PTCHD4: variants seen among roughly 807,000 people sequenced by gnomAD.
PTCHD4 encodes the protein patched domain containing 4.
A neutral mutation model predicts 58.1 loss-of-function variants in PTCHD4; 33 were observed. The observed-to-expected ratio is 0.57, with a 90% CI of 0.43 to 0.76. The LOEUF (loss-of-function observed/expected upper bound fraction) is 0.76. Among genes scored for constraint, PTCHD4 ranks in the 30% least tolerant of loss-of-function variants. The pLI is 0.00. For missense variants in PTCHD4, 1,058 were observed against 1,027.1 expected (o/e 1.03, Z -0.41); for synonymous variants, 478 against 409.6 (o/e 1.17, Z -2.02).
chr6:48,031,849 T>C (rs1460025288), intron 3 of PTCHD4, among the ~76,000 whole-genome samples: 2 of 152,128 alleles, frequency 1.3e-5, no homozygotes, highest in South Asian at 2.1e-4. Flanking sequence ...TAAAATGCAC[T>C]CATATTTTCC....
intron 4 of PTCHD4, among the ~76,000 whole-genome samples, chr6:47,991,387 G>A (rs770529820): frequency 2.6e-5 from 4 of 151,994 alleles, no homozygotes; most frequent in Non-Finnish European, 5.9e-5. Context: ...TTCAATATAA[G>A]GACCAAAAAG....
At chr6:48,028,184 C>T (rs969275595) in intron 3 of PTCHD4, among the ~76,000 whole-genome samples, 21 of 152,074 alleles carry the variant, frequency 1.4e-4, no homozygotes, top group African/African-American at 5.1e-4. Flanking sequence ...CTCAAGTGAT[C>T]TGCCCACCTC....
chr6:48,019,879 T>A (rs1415107154), intron 3 of PTCHD4, among the ~76,000 whole-genome samples: 1 of 152,172 alleles, frequency 6.6e-6, no homozygotes, highest in Admixed American at 6.5e-5. Context: ...TCCTGAATCA[T>A]AAATATCAAT....
chr6:47,997,014 A>G (rs1768518085), intron 4 of PTCHD4, among the ~76,000 whole-genome samples: 1 of 152,200 alleles, frequency 6.6e-6, no homozygotes, highest in African/African-American at 2.4e-5. Context: ...CAACACAGTA[A>G]AGTATATACC....
At chr6:47,896,986 C>A (rs1247162414) in intron 4 of PTCHD4, among the ~76,000 whole-genome samples, 3 of 152,128 alleles carry the variant, frequency 2.0e-5, no homozygotes, top group African/African-American at 4.8e-5. Context: ...TCATCTTTTC[C>A]TATGTCAGTA....
chr6:47,951,284 T>A (rs1016532886), intron 4 of PTCHD4, among the ~76,000 whole-genome samples: 1 of 152,164 alleles, frequency 6.6e-6, no homozygotes, highest in African/African-American at 2.4e-5. Context: ...GGAGACTTTA[T>A]CACTCCTAGC....
At chr6:48,018,004 A>C (rs1285782683) in intron 3 of PTCHD4, among the ~76,000 whole-genome samples, 1 of 152,318 alleles carries the variant, frequency 6.6e-6, no homozygotes, top group African/African-American at 2.4e-5. Flanking sequence ...AGAAGATTGA[A>C]TGTGTGGATA....
chr6:47,914,829 A>T (rs977072487), intron 4 of PTCHD4, among the ~76,000 whole-genome samples: 1 of 151,070 alleles, frequency 6.6e-6, no homozygotes, highest in African/African-American at 2.4e-5. Flanking sequence ...TCTTCTGGAG[A>T]ACCCTGATTA....
At chr6:48,070,641 A>G (rs1209157308) in intron 1 of PTCHD4, among the ~76,000 whole-genome samples, 1 of 152,180 alleles carries the variant, frequency 6.6e-6, no homozygotes, top group Admixed American at 6.5e-5. Context: ...ATGCTACAAC[A>G]TTCCCAAATT....
At chr6:48,051,832 A>G (rs1208495739) in intron 3 of PTCHD4, among the ~76,000 whole-genome samples, 1 of 152,020 alleles carries the variant, frequency 6.6e-6, no homozygotes, top group Non-Finnish European at 1.5e-5. Context: ...AGTAAAGCCC[A>G]TTTTTTAAAA....
chr6:47,876,779 A>G lies in PTCHD4; in HGVS notation c.*1524T>C, dbSNP rs1303518615. On this transcript the variant is annotated 3_prime_UTR_variant, in exon 5 of 5. Coordinates refer to ENST00000339488, the MANE Select transcript of PTCHD4 (RefSeq NM_001384253.1). The stretch of plus-strand genomic sequence containing the variant: ...AGGCATTTTCTAGTAATTTCCTGTG[A>G]CAGGAGGCACAGCAATAGTCCAAGT... 6.6e-6 allele frequency among the ~76,000 whole-genome samples: 1 copy of G among 152,022 alleles called. No individual in the cohort carries two copies. The highest frequency in any genetic ancestry group is 1.5e-5 in the Non-Finnish European group (1 of 67,958).
intron 3 of PTCHD4, among the ~76,000 whole-genome samples, chr6:48,046,579 T>C (rs1360882436): frequency 2.0e-5 from 3 of 151,912 alleles, no homozygotes; most frequent in Admixed American, 6.6e-5. Flanking sequence ...ATTTTAAACT[T>C]CTTCAGCAAT....
intron 4 of PTCHD4, among the ~76,000 whole-genome samples, chr6:48,003,430 T>G (rs1437991546): frequency 6.6e-6 from 1 of 152,178 alleles, no homozygotes; most frequent in African/African-American, 2.4e-5. Context: ...CAATTCTTTT[T>G]CTCTTACATG....
At chr6:48,056,802 A>T (rs554119274) in intron 3 of PTCHD4, among the ~76,000 whole-genome samples, 1 of 152,136 alleles carries the variant, frequency 6.6e-6, no homozygotes, top group Non-Finnish European at 1.5e-5. Context: ...GCTGATGATC[A>T]CTGCTGTGAG....
At chr6:47,925,390 G>A (rs929865651) in intron 4 of PTCHD4, among the ~76,000 whole-genome samples, 4 of 152,132 alleles carry the variant, frequency 2.6e-5, no homozygotes, top group Admixed American at 6.6e-5. Flanking sequence ...TATGGCATTT[G>A]TTATGGTGAC....
intron 3 of PTCHD4, among the ~76,000 whole-genome samples, chr6:48,017,858 T>C (rs1384861347): frequency 1.3e-5 from 2 of 152,176 alleles, no homozygotes; most frequent in Non-Finnish European, 2.9e-5. Context: ...TATAACGTAA[T>C]GGTTATGTAC....
At position 47,874,789 on chromosome 6, in the gene PTCHD4, G is replaced by A. The variant is rs1763804999; in HGVS notation, c.*3514C>T. 6.6e-6 allele frequency among the ~76,000 whole-genome samples: 1 copy of A among 151,772 alleles called. No homozygotes were observed. The highest frequency in any genetic ancestry group is 2.4e-5 in the African/African-American group (1 of 41,392). The stretch of plus-strand genomic sequence containing the variant: ...TTCTTTCATAGAATACTCATGCACA[G>A]CCTTCAAAGAGGTTCATAGTAACTG... On this transcript the variant is annotated 3_prime_UTR_variant, in exon 5 of 5. Coordinates refer to ENST00000339488, the MANE Select transcript of PTCHD4 (RefSeq NM_001384253.1).
At chr6:47,920,515 G>A (rs1474277820) in intron 4 of PTCHD4, among the ~76,000 whole-genome samples, 2 of 152,136 alleles carry the variant, frequency 1.3e-5, no homozygotes, top group Non-Finnish European at 2.9e-5. Context: ...CTGTATCCCA[G>A]AAGAGAAAGA....
chr6:48,059,695 C>G (rs1387767261), intron 3 of PTCHD4, among the ~76,000 whole-genome samples: 2 of 151,998 alleles, frequency 1.3e-5, no homozygotes, highest in African/African-American at 4.8e-5. Context: ...GGGGGTAGGT[C>G]TGAGATGTAA....
Sources: allele counts gnomAD v4.1 joint callset (sites outside exome capture counted in the v4.1 genomes callset), GRCh38; gene constraint gnomAD v4.1.1; transcripts MANE v1.5; gene names NCBI Gene and HGNC (gene_info 2026-07-23, HGNC 2026-07-21).